The following HERC2 variants were observed in gnomAD, a reference collection of about 807,000 sequenced individuals.
HERC2 encodes E3 ubiquitin-protein ligase HERC2.
HERC2 carries 102 observed loss-of-function variants against 537.7 expected under a neutral mutation model. That is an observed-to-expected ratio of 0.19 (90% CI 0.16 to 0.22). The LOEUF (loss-of-function observed/expected upper bound fraction) is 0.22. Ranked by LOEUF, HERC2 falls within the 10% of genes least tolerant of loss-of-function variation. The probability of loss-of-function intolerance (pLI) is 1.00; values close to 1 mark genes in which losing one functional copy is unlikely to be tolerated. For missense variants in HERC2, 4,236 were observed against 6,198.2 expected, an observed-to-expected ratio of 0.68 and a Z score of 10.63; for synonymous variants, 2,224 against 2,466.2, an observed-to-expected ratio of 0.90 and a Z score of 2.91.
At position 28,192,124 on chromosome 15, in the gene HERC2, G is replaced by C. The variant is rs759989490; in HGVS notation, c.8288C>G (p.Ser2763Cys). ...GTGGCAACGCTTCAGCTGTTTTCCA[G>C]AACGGCCACAAAATACCGCAGACTG... ...PGQSAVFCGR[S>C]GKQLKRCHSS... Residue 2763 changes from serine (S) to cysteine (C), a missense_variant, in exon 53 of 93, where the codon TCT becomes TGT. This residue lies in a region of HERC2 where 606 missense variants were observed against 884.5 expected (regional missense o/e 0.69). Transcript: ENST00000261609. 6.2e-7 allele frequency: 1 copy of C among 1,613,762 alleles called. No individual in the cohort carries two copies.
At position 28,113,392 on chromosome 15, in the gene HERC2, G is replaced by T. The variant is rs1009481880; in HGVS notation, c.14020-109C>A. The T allele has an allele frequency of 7.9e-7, 1 of 1,272,942 alleles. No homozygotes were observed. The highest frequency in any genetic ancestry group is 1.1e-6 in the Non-Finnish European group (1 of 897,166). The allele number at this position is 1,272,942 out of a possible 1,614,324, so 78.9% of individuals were successfully genotyped here. A position where few individuals can be genotyped will look rare whatever the true frequency, so the allele number is the denominator to read the frequency against. ...CAAGGCCTGTTTGGGGTGGGGAAAG[G>T]TCTGGGGGCTCTGGGTGGGCCCACA... On this transcript the variant is annotated intron_variant, in intron 91 of 92. Transcript: ENST00000261609. This position sits in a 1 kb window ranked among gnomAD's most constrained non-coding sequence, Gnocchi z 7.0.
intron 69 of HERC2, among the ~76,000 whole-genome samples, chr15:28,162,836 A>C (rs939200055): frequency 6.6e-6 from 1 of 152,230 alleles, no homozygotes; most frequent in African/African-American, 2.4e-5. Flanking sequence ...GCTTGCAGTG[A>C]GTCGAGATGG....
At chr15:28,216,084 T>A (rs1414302857) in intron 38 of HERC2, among the ~76,000 whole-genome samples, 1 of 152,122 alleles carries the variant, frequency 6.6e-6, no homozygotes, top group East Asian at 1.9e-4. Flanking sequence ...CAAGTGATTC[T>A]CCTGCCTTGC....
intron 74 of HERC2, among the ~76,000 whole-genome samples, chr15:28,143,537 C>A (rs1891436287): frequency 6.6e-6 from 1 of 152,042 alleles, no homozygotes; most frequent in Non-Finnish European, 1.5e-5. Flanking sequence ...ACCTCCACGT[C>A]CCAGGTTCAA....
Position 28,118,715 on chromosome 15 carries a change from G to A in HERC2, c.13273-1561C>T, listed in dbSNP as rs565492890. Among the ~76,000 whole-genome samples the A allele has an allele frequency of 3.6e-3, 546 of 152,290 alleles. 1 individual carries two copies. Among genetic ancestry groups the A allele is most frequent in the African/African-American group, 8.7e-3 (363 of 41,576 alleles). On this transcript the variant is annotated intron_variant, in intron 86 of 92. Transcript: ENST00000261609. ...AGCCATGGGGTGGCGGGTTGGAGGC[G>A]CCTGTGCAGCCTTCCTGGCTCCGTG...
chr15:28,192,694 A>G (rs1408276775), intron 52 of HERC2, among the ~76,000 whole-genome samples: 3 of 152,228 alleles, frequency 2.0e-5, no homozygotes, highest in African/African-American at 4.8e-5. Flanking sequence ...GGAGGTGTCA[A>G]GATGACGCAC....
chr15:28,291,829 C>A (rs1338407025), intron 4 of HERC2, among the ~76,000 whole-genome samples: 2 of 147,896 alleles, frequency 1.4e-5, no homozygotes, highest in African/African-American at 2.5e-5. Context: ...GGCATGAACC[C>A]GGGAAGCGGA....
rs766216433 is a variant in HERC2 at position 28,287,719 on chromosome 15, CTT to C, written c.322+5167_322+5168del. Reference sequence around the variant, plus strand: ...TTTACATTATATTATACTTATTCCTCTTTTTTTTTTTTTTTTTTTGGTTTGAG... The same window carrying C: ...TTTACATTATATTATACTTATTCCTCTTTTTTTTTTTTTTTTTGGTTTGAG... On this transcript the variant is annotated intron_variant, in intron 4 of 92. Transcript: ENST00000261609. 1.0e-3 allele frequency among the ~76,000 whole-genome samples: 128 copies of C among 124,786 alleles called. 3 individuals are homozygous for C. The East Asian group carries it at 0.011, about 11-fold the overall frequency. The allele number at this position is 124,786 out of a possible 152,430, so 81.9% of individuals were successfully genotyped here. A position where few individuals can be genotyped will look rare whatever the true frequency, so the allele number is the denominator to read the frequency against.
intron 2 of HERC2, 105 bp from the exon 3 acceptor site, chr15:28,299,621 C>T (rs530366833): frequency 1.7e-5 from 11 of 632,316 alleles, no homozygotes; most frequent in Middle Eastern, 2.7e-4. Flanking sequence ...TGTATTCGAT[C>T]ATTTGGTAAT....
chr15:28,246,923 A>AT, intron 21 of HERC2, 26 bp from the exon 22 acceptor site: 4 of 1,589,470 alleles, frequency 2.5e-6, no homozygotes, highest in Non-Finnish European at 3.4e-6. Context: ...AGAAATTTTC[A>AT]TTTTCACTAC....
At chr15:28,304,954 G>A (rs1331351085) in intron 2 of HERC2, among the ~76,000 whole-genome samples, 2 of 147,232 alleles carry the variant, frequency 1.4e-5, no homozygotes, top group Admixed American at 6.9e-5. Flanking sequence ...CTATGAGTGA[G>A]AATATGCGGT....
intron 37 of HERC2, among the ~76,000 whole-genome samples, chr15:28,219,566 C>T (rs1028026715): frequency 1.3e-5 from 2 of 152,194 alleles, no homozygotes; most frequent in Admixed American, 1.3e-4. Context: ...CCTGAGGGAC[C>T]CAGGCCCCAG....
At chr15:28,115,611 A>G in intron 88 of HERC2, 70 bp from the exon 89 acceptor site, 1 of 1,056,116 alleles carries the variant, frequency 9.5e-7, no homozygotes, top group Non-Finnish European at 1.4e-6. Flanking sequence ...TCACTCACAC[A>G]CGCCACTGAC....
At chr15:28,295,447 C>A (rs1391329589) in intron 3 of HERC2, among the ~76,000 whole-genome samples, 1 of 152,124 alleles carries the variant, frequency 6.6e-6, no homozygotes, top group Non-Finnish European at 1.5e-5. Flanking sequence ...GAGACAGAGT[C>A]TTGACTCACC....
At chr15:28,219,765 C>T (rs1304897879) in intron 37 of HERC2, among the ~76,000 whole-genome samples, 4 of 152,196 alleles carry the variant, frequency 2.6e-5, no homozygotes, top group Non-Finnish European at 5.9e-5. Context: ...GGGGGCACTG[C>T]GGTGCTTCCG....
At chr15:28,112,869 A>T (rs556083367) in intron 92 of HERC2, among the ~76,000 whole-genome samples, 1 of 152,310 alleles carries the variant, frequency 6.6e-6, no homozygotes, top group East Asian at 1.9e-4. Context: ...ATACATTTTT[A>T]AAAAATAGGT....
intron 4 of HERC2, among the ~76,000 whole-genome samples, chr15:28,291,456 T>C (rs188227648): frequency 1.3e-5 from 2 of 152,208 alleles, no homozygotes; most frequent in East Asian, 3.9e-4. Flanking sequence ...AAACCCTGAA[T>C]ATCCACACCG....
intron 16 of HERC2, 103 bp downstream of exon 16, chr15:28,260,674 C>A: frequency 1.1e-6 from 1 of 937,232 alleles, no homozygotes; most frequent in Non-Finnish European, 1.6e-6. Context: ...CTGCAGGACA[C>A]AAGAACAACA....
chr15:28,120,941 A>G (rs1888815652), intron 86 of HERC2, among the ~76,000 whole-genome samples: 1 of 152,222 alleles, frequency 6.6e-6, no homozygotes, highest in South Asian at 2.1e-4. Context: ...GCAGCCCCAC[A>G]GGACCCTATT....
Sources: gnomAD v4.1 joint callset for allele counts (sites outside exome capture counted in the v4.1 genomes callset) on GRCh38, gnomAD v4.1.1 for gene constraint, gnomAD v4.1.1 regional missense constraint, Gnocchi (gnomAD v3.1) non-coding constraint, MANE v1.5 for transcripts, NCBI Gene and HGNC (gene_info 2026-07-23, HGNC 2026-07-21) for gene names.